DGCR8: variants seen among roughly 807,000 people sequenced by gnomAD.
The protein encoded by DGCR8 is microprocessor complex subunit DGCR8.
A neutral mutation model predicts 78.5 loss-of-function variants in DGCR8; 14 were observed. That is an observed-to-expected ratio of 0.18 (90% CI 0.12 to 0.28). The LOEUF is 0.28. DGCR8 is among the 10% of genes least tolerant of loss of function. The pLI is 1.00. For missense variants in DGCR8, 702 were observed against 1,022.5 expected (o/e 0.69, Z 4.28); for synonymous variants, 399 against 402.4 (o/e 0.99, Z 0.10).
In DGCR8 at chr22:20,110,945, A is replaced by AT; in HGVS notation, c.*842dup. On this transcript the variant is annotated 3_prime_UTR_variant, in exon 14 of 14. Transcript: ENST00000351989. ...GTCGAGTCCATATGTCCACCCATTG[A>AT]TTTTTAAAGCTTTTGTGATATTTTA... 2.6e-6 allele frequency: 1 copy of AT among 383,866 alleles called. No homozygotes were observed. The highest frequency in any genetic ancestry group is 4.6e-6 in the Non-Finnish European group (1 of 217,454). 23.8% of individuals were successfully genotyped at this position (383,866 alleles called of 1,614,324 possible).
intron 9 of DGCR8, chr22:20,096,554 G>A (rs1205856343): frequency 4.4e-6 from 4 of 915,456 alleles, no homozygotes; most frequent in Admixed American, 1.2e-4. Context: ...TATAAATTTG[G>A]CCTTTTAAAC....
At chr22:20,093,879 G>A (rs2049595706) in intron 8 of DGCR8, among the ~76,000 whole-genome samples, 1 of 152,236 alleles carries the variant, frequency 6.6e-6, no homozygotes, top group Non-Finnish European at 1.5e-5. Context: ...GTGTACCCCA[G>A]GCCCTCGCAC....
rs963870403 is a variant in DGCR8 at position 20,110,312 on chromosome 22, C to T, written c.*204C>T. On this transcript the variant is annotated 3_prime_UTR_variant, in exon 14 of 14. Transcript: ENST00000351989. ...CACACATGTGGAGCAGCGGCTCTCCCTGGAAAGCTCCAGGCCTGAATGGAT... is the reference window on the plus strand; with the variant it reads ...CACACATGTGGAGCAGCGGCTCTCCTTGGAAAGCTCCAGGCCTGAATGGAT... 5.2e-6 allele frequency: 3 copies of T among 573,588 alleles called. No homozygotes were observed. Among genetic ancestry groups the T allele is most frequent in the Middle Eastern group, 9.1e-4 (2 of 2,196 alleles). 35.5% of individuals were successfully genotyped at this position (573,588 alleles called of 1,614,324 possible). A position where few individuals can be genotyped will look rare whatever the true frequency, so the allele number is the denominator to read the frequency against.
intron 1 of DGCR8, among the ~76,000 whole-genome samples, chr22:20,081,355 C>T (rs2049416118): frequency 6.6e-6 from 1 of 152,234 alleles, no homozygotes; most frequent in Non-Finnish European, 1.5e-5. Flanking sequence ...TACGGGTTTT[C>T]TCCCCGTGCC....
chr22:20,109,159 G>A (rs2049805617), intron 13 of DGCR8, 156 bp downstream of exon 13: 4 of 550,574 alleles, frequency 7.3e-6, no homozygotes, highest in Non-Finnish European at 3.3e-6. Flanking sequence ...TTTGAGCTTC[G>A]ACATGTGTGA....
rs750259282 is a variant in DGCR8 at position 20,090,156 on chromosome 22, C to G, written c.1204C>G (p.Pro402Ala). The G allele has an allele frequency of 1.2e-6, 2 of 1,614,214 alleles. No homozygotes were observed. The highest frequency in any genetic ancestry group is 2.2e-5 in the South Asian group (2 of 91,088). The stretch of plus-strand genomic sequence containing the variant: ...TGAGCCTGACTCTATGGGTGCTGAC[C>G]CGGGGCCCCCGGACGAGAAAGACCC... ...LDEPDSMGAD[P>A]GPPDEKDPLG... is the part of the protein sequence containing the mutation. Residue 402 changes from proline to alanine, a missense_variant, in exon 5 of 14, where the codon CCG becomes GCG. By Grantham distance (27) the Pro-to-Ala change is conservative. Coordinates refer to ENST00000351989, the MANE Select transcript of DGCR8 (RefSeq NM_022720.7).
intron 9 of DGCR8, among the ~76,000 whole-genome samples, chr22:20,104,846 C>CAAGGGCA (rs2049750942): frequency 8.6e-6 from 1 of 115,708 alleles, no homozygotes. Context: ...GCTGGAGCGG[C>CAAGGGCA]GAGGGCAGAG....
chr22:20,087,359 C>T lies in DGCR8; in HGVS notation c.880+38C>T, dbSNP rs757733814. ...GTCAGAAGCAGTGGGTGTTCCAGGG[C>T]AGTGGAGGGGTGGTTGCTTCCTTAG... On this transcript the variant is annotated intron_variant, in intron 3 of 13. Coordinates refer to ENST00000351989, the MANE Select transcript of DGCR8 (RefSeq NM_022720.7). The surrounding 1 kb of genome is among the most constrained non-coding windows in gnomAD (Gnocchi z 4.1). 7.7e-6 allele frequency: 12 copies of T among 1,562,826 alleles called. 1 individual carries two copies. In the South Asian group the frequency reaches 1.2e-4, roughly 15 times the overall value.
Position 20,110,280 on chromosome 22 carries a change from C to A in DGCR8, c.*172C>A. ...TTTAGTGTACAGGGACAGCCATGGC[C>A]ACACAGCACACATGTGGAGCAGCGG... is the stretch of plus-strand genomic sequence containing the variant. On this transcript the variant is annotated 3_prime_UTR_variant, in exon 14 of 14. Transcript: ENST00000351989. 1 of 615,938 alleles carries A rather than the reference C, an allele frequency of 1.6e-6. No individual in the cohort carries two copies. The highest frequency in any genetic ancestry group is 2.8e-6 in the Non-Finnish European group (1 of 353,778). 38.2% of individuals were successfully genotyped at this position (615,938 alleles called of 1,614,324 possible).
chr22:20,110,378 C>T lies in DGCR8; in HGVS notation c.*270C>T. The stretch of plus-strand genomic sequence containing the variant: ...ACCAGTGGCAGCTGGTGACTGTGGA[C>T]AGTGGTGGACCCTGCTTCTGTGCAC... On this transcript the variant is annotated 3_prime_UTR_variant, in exon 14 of 14. Transcript: ENST00000351989. The T allele has an allele frequency of 2.2e-6, 1 of 459,838 alleles. No individual in the cohort carries two copies. The highest frequency in any genetic ancestry group is 3.9e-6 in the Non-Finnish European group (1 of 257,940). 28.5% of individuals were successfully genotyped at this position (459,838 alleles called of 1,614,324 possible).
In DGCR8 at chr22:20,087,144, G is replaced by C. The variant is rs1163803526; in HGVS notation, c.721-18G>C. 1 of 1,600,542 alleles carries C rather than the reference G, an allele frequency of 6.2e-7. No homozygotes were observed. The highest frequency in any genetic ancestry group is 1.3e-5 in the African/African-American group (1 of 74,664). On this transcript the variant is annotated intron_variant, in intron 2 of 13. Coordinates refer to ENST00000351989, the MANE Select transcript of DGCR8 (RefSeq NM_022720.7). This position sits in a 1 kb window ranked among gnomAD's most constrained non-coding sequence, Gnocchi z 4.1. ...ATGAGCGCCAGGGGCTCTGGTGTCT[G>C]AACAGCGTGTTTTGCAGGATGACTT...
intron 9 of DGCR8, among the ~76,000 whole-genome samples, chr22:20,104,860 C>T (rs1568961216): frequency 8.7e-6 from 1 of 115,594 alleles, no homozygotes; most frequent in Non-Finnish European, 2.2e-5. Flanking sequence ...GGCAGAGGAG[C>T]TGCCCACTGC....
rs529815177 is a variant in DGCR8, at chr22:20,096,833, A to C, written c.1788+2038A>C. Among the ~76,000 whole-genome samples, 3 of 152,322 alleles carry C rather than the reference A, an allele frequency of 2.0e-5. No individual in the cohort carries two copies. In the East Asian group the frequency reaches 5.8e-4, roughly 29 times the overall value. ...ATGTCAGCTGTAGGTTTTTATCAGA[A>C]TAAGGAAATTTCCTTTTGTTCCTGG... On this transcript the variant is annotated intron_variant, in intron 9 of 13. Coordinates refer to ENST00000351989, the MANE Select transcript of DGCR8 (RefSeq NM_022720.7).
At chr22:20,108,688 T>G (rs1361565900) in intron 12 of DGCR8, 4 of 436,154 alleles carry the variant, frequency 9.2e-6, no homozygotes, top group Non-Finnish European at 1.7e-5. Flanking sequence ...TGCCCCTCGC[T>G]CTCTGCTGCT....
Position 20,086,865 on chromosome 22 carries a change from GT to G in DGCR8, c.720+185del. ...GATGTAAGGAGTCCAGATTTTTAAA[GT>G]TTCCTAATGAAAAGTTTGGCCCATG... is the stretch of plus-strand genomic sequence containing the variant. On this transcript the variant is annotated intron_variant, in intron 2 of 13. Coordinates refer to ENST00000351989, the MANE Select transcript of DGCR8 (RefSeq NM_022720.7). The surrounding 1 kb of genome is among the most constrained non-coding windows in gnomAD (Gnocchi z 6.4). 1 of 875,504 alleles carries G rather than the reference GT, an allele frequency of 1.1e-6. No individual in the cohort carries two copies. The highest frequency in any genetic ancestry group is 1.7e-6 in the Non-Finnish European group (1 of 594,374). 54.2% of individuals were successfully genotyped at this position (875,504 alleles called of 1,614,324 possible). A position where few individuals can be genotyped will look rare whatever the true frequency, so the allele number is the denominator to read the frequency against.
chr22:20,100,441 A>G, intron 9 of DGCR8: 1 of 985,418 alleles, frequency 1.0e-6, no homozygotes, highest in Non-Finnish European at 1.2e-6. Context: ...CCTCTGGGGA[A>G]GTGCTTGCGT....
At chr22:20,107,468 G>A in intron 12 of DGCR8, 70 bp downstream of exon 12, 1 of 1,585,788 alleles carries the variant, frequency 6.3e-7, no homozygotes, top group Non-Finnish European at 8.6e-7. Flanking sequence ...GAGGCTCTGT[G>A]CTCAGAGGGG....
intron 1 of DGCR8, among the ~76,000 whole-genome samples, chr22:20,083,050 C>T (rs370095753): frequency 6.6e-6 from 1 of 152,172 alleles, no homozygotes; most frequent in African/African-American, 2.4e-5. Flanking sequence ...CCCAGCTGGC[C>T]ACACCACATT....
chr22:20,108,842 G>A (rs748984357), intron 12 of DGCR8, 48 bp from the exon 13 acceptor site: 17 of 1,014,032 alleles, frequency 1.7e-5, no homozygotes, highest in East Asian at 1.3e-4. Flanking sequence ...CGGGCAGGCC[G>A]TAGAGCTACA....
Sources: gnomAD v4.1 joint callset for allele counts (sites outside exome capture counted in the v4.1 genomes callset) on GRCh38, gnomAD v4.1.1 for gene constraint, Gnocchi (gnomAD v3.1) non-coding constraint, MANE v1.5 for transcripts, NCBI Gene and HGNC (gene_info 2026-07-23, HGNC 2026-07-21) for gene names.